TENM2: variants seen among roughly 807,000 people sequenced by gnomAD.
TENM2 encodes the protein teneurin-2.
Under a neutral mutation model 245.2 loss-of-function variants are expected in TENM2, and 52 were observed. That is an observed-to-expected ratio of 0.21 (90% CI 0.17 to 0.27). TENM2 has a LOEUF of 0.27. Among genes scored for constraint, TENM2 ranks in the 10% least tolerant of loss-of-function variants. The probability of loss-of-function intolerance (pLI) is 1.00; values close to 1 mark genes in which losing one functional copy is unlikely to be tolerated. For missense variants in TENM2, 3,046 were observed against 3,666.8 expected (o/e 0.83, Z 4.37); for synonymous variants, 1,363 against 1,438.9 (o/e 0.95, Z 1.19).
At chr5:167,726,770 T>C (rs1363939159) in intron 2 of TENM2, among the ~76,000 whole-genome samples, 1 of 152,178 alleles carries the variant, frequency 6.6e-6, no homozygotes, top group Non-Finnish European at 1.5e-5. Context: ...CCTTTTCTTA[T>C]TCTTAGCAGG....
chr5:167,333,108 A>C (rs1360273306), intron 1 of TENM2, among the ~76,000 whole-genome samples: 1 of 152,236 alleles, frequency 6.6e-6, no homozygotes, highest in Non-Finnish European at 1.5e-5. Flanking sequence ...TTAAAGCAAT[A>C]TAACAGTGTT....
chr5:167,152,735 A>C, the TENM2 span, among the ~76,000 whole-genome samples: 171 of 152,292 alleles, frequency 1.1e-3, 1 homozygote, highest in Non-Finnish European at 1.7e-3. Context: ...ATGTGCAGGT[A>C]GTGTATAAAG....
chr5:168,043,610 T>A (rs1206689292), intron 5 of TENM2, among the ~76,000 whole-genome samples: 1 of 152,202 alleles, frequency 6.6e-6, no homozygotes, highest in Non-Finnish European at 1.5e-5. Context: ...AGTTTCCTTA[T>A]AGGTGAAAGT....
intron 4 of TENM2, among the ~76,000 whole-genome samples, chr5:167,955,726 T>G (rs1453733815): frequency 6.6e-6 from 1 of 152,246 alleles, no homozygotes; most frequent in Non-Finnish European, 1.5e-5. Flanking sequence ...AAATAGGGAA[T>G]CCTTTCCCCA....
chr5:168,090,868 C>T (rs1485893703), intron 8 of TENM2, 99 bp downstream of exon 10: 5 of 1,027,980 alleles, frequency 4.9e-6, no homozygotes, highest in Non-Finnish European at 7.3e-6. Flanking sequence ...GTTTCTACTA[C>T]AGATGACAAC....
At chr5:168,197,125 A>G (rs1298785861) in intron 15 of TENM2, among the ~76,000 whole-genome samples, 1 of 152,206 alleles carries the variant, frequency 6.6e-6, no homozygotes, top group Non-Finnish European at 1.5e-5. Context: ...TCTGTACTCT[A>G]TGCAGAACTA....
Position 167,500,061 on chromosome 5 carries a change from G to GGTGTGT in TENM2, c.502+124598_502+124603dup, listed in dbSNP as rs10664934. Among the ~76,000 whole-genome samples, 215 of 148,052 alleles carry GGTGTGT rather than the reference G, an allele frequency of 1.5e-3. 1 individual carries two copies. Among genetic ancestry groups the GGTGTGT allele is most frequent in the African/African-American group, 3.0e-3 (119 of 40,012 alleles). On this transcript the variant is annotated intron_variant, in intron 2 of 28. Coordinates refer to ENST00000518659, the Ensembl canonical transcript of TENM2. ...GTGTGTGTTTGTACATATATATGAG[G>GGTGTGT]GTGTGTGTGTGTGTGAGTGTGTGTG... is the stretch of plus-strand genomic sequence containing the variant.
At chr5:167,991,082 A>C (rs1320652481) in intron 4 of TENM2, among the ~76,000 whole-genome samples, 1 of 152,172 alleles carries the variant, frequency 6.6e-6, no homozygotes, top group Non-Finnish European at 1.5e-5. Flanking sequence ...TCATCTGTAA[A>C]ACTGAGGTAA....
chr5:167,010,184 C>A, the TENM2 span, among the ~76,000 whole-genome samples: 1 of 152,158 alleles, frequency 6.6e-6, no homozygotes, highest in South Asian at 2.1e-4. Context: ...GAGTTCGAGA[C>A]CAGACTGACC....
At chr5:167,767,649 G>T (rs1011072076) in intron 2 of TENM2, among the ~76,000 whole-genome samples, 2 of 152,308 alleles carry the variant, frequency 1.3e-5, no homozygotes, top group Admixed American at 1.3e-4. Flanking sequence ...AGAGGCTACT[G>T]CTGTAGTTTA....
intron 1 of TENM2, chr5:167,309,892 G>A (rs1561852624): frequency 1.3e-5 from 2 of 152,298 alleles, no homozygotes; most frequent in Non-Finnish European, 2.9e-5. Context: ...TTTGTGCTGC[G>A]AGTCAGAGTT....
intron 2 of TENM2, among the ~76,000 whole-genome samples, chr5:167,684,990 T>C (rs2150387690): frequency 6.6e-6 from 1 of 152,302 alleles, no homozygotes; most frequent in Middle Eastern, 3.4e-3. Flanking sequence ...CAGCTCTCAA[T>C]TGGTACTCAG....
intron 2 of TENM2, among the ~76,000 whole-genome samples, chr5:167,840,804 A>G (rs544525892): frequency 6.6e-6 from 1 of 152,304 alleles, no homozygotes; most frequent in Non-Finnish European, 1.5e-5. Flanking sequence ...ATTAATGTCA[A>G]AAAAACAATG....
intron 2 of TENM2, among the ~76,000 whole-genome samples, chr5:167,550,169 CA>C (rs1482225718): frequency 1.3e-5 from 2 of 152,180 alleles, no homozygotes; most frequent in African/African-American, 4.8e-5. Context: ...AACAATCTGT[CA>C]CAAGATATTT....
the TENM2 span, among the ~76,000 whole-genome samples, chr5:167,101,837 A>ATATATATATATT: frequency 2.3e-4 from 25 of 109,316 alleles, no homozygotes; most frequent in South Asian, 8.7e-4. Context: ...CTTGACATTT[A>ATATATATATATT]TATATATATA....
intron 2 of TENM2, among the ~76,000 whole-genome samples, chr5:167,497,010 G>C (rs138337949): frequency 8.6e-5 from 13 of 151,992 alleles, no homozygotes; most frequent in Non-Finnish European, 1.6e-4. Flanking sequence ...CATTCTAGGT[G>C]GTCGCATATC....
At chr5:167,831,041 A>G (rs1293846328) in intron 2 of TENM2, among the ~76,000 whole-genome samples, 1 of 152,008 alleles carries the variant, frequency 6.6e-6, no homozygotes, top group East Asian at 1.9e-4. Flanking sequence ...CCTTGTCAAT[A>G]TGTGTACTTC....
intron 6 of TENM2, among the ~76,000 whole-genome samples, chr5:168,057,860 G>A (rs1222662611): frequency 6.6e-6 from 1 of 151,964 alleles, no homozygotes; most frequent in Non-Finnish European, 1.5e-5. Flanking sequence ...GGAGTCGGTG[G>A]GAGAGTGGTG....
intron 2 of TENM2, among the ~76,000 whole-genome samples, chr5:167,766,441 A>G (rs186721882): frequency 1.9e-3 from 293 of 152,372 alleles, no homozygotes; most frequent in Non-Finnish European, 3.6e-3. Context: ...ATTAGAAGCC[A>G]TCGAAGGATG....
Sources: allele counts gnomAD v4.1 joint callset (sites outside exome capture counted in the v4.1 genomes callset), GRCh38; gene constraint gnomAD v4.1.1; transcripts MANE v1.5; gene names NCBI Gene and HGNC (gene_info 2026-07-23, HGNC 2026-07-21).